Variants in ZNF626 observed in about 807,000 individuals in gnomAD.
The protein encoded by ZNF626 is zinc finger protein 626, also known as CTC-513N18.7.
Under a neutral mutation model 11.7 loss-of-function variants are expected in ZNF626, and 4 were observed. The observed-to-expected ratio is 0.34, with a 90% CI of 0.17 to 0.78. The LOEUF is 0.78. Ranked by LOEUF, ZNF626 falls within the 30% of genes least tolerant of loss-of-function variation. The pLI is 0.57. For missense variants in ZNF626, 588 were observed against 587.1 expected (o/e 1.00, Z -0.01); for synonymous variants, 179 against 198.6 (o/e 0.90, Z 0.83).
chr19:20,646,201 TA>T, intron 2 of ZNF626, 77 bp downstream of exon 2: 1 of 1,436,552 alleles, frequency 7.0e-7, no homozygotes, highest in East Asian at 2.6e-5. Flanking sequence ...ATGCAAAGAA[TA>T]AATTACTAAA....
At chr19:20,631,269 T>A (rs1301914596) in intron 3 of ZNF626, among the ~76,000 whole-genome samples, 7 of 151,884 alleles carry the variant, frequency 4.6e-5, no homozygotes, top group South Asian at 2.1e-4. Context: ...GGGTGGAGAG[T>A]TCTATAAATG....
chr19:20,650,553 A>C (rs1599485779), intron 1 of ZNF626, among the ~76,000 whole-genome samples: 1 of 152,176 alleles, frequency 6.6e-6, no homozygotes, highest in Non-Finnish European at 1.5e-5. Context: ...AACAGGATTC[A>C]CCAGCCAAAA....
At chr19:20,644,494 G>C (rs1970054200) in intron 3 of ZNF626, among the ~76,000 whole-genome samples, 1 of 152,038 alleles carries the variant, frequency 6.6e-6, no homozygotes, top group Non-Finnish European at 1.5e-5. Flanking sequence ...AAATTCAGAG[G>C]GCATCTCATC....
Position 20,625,394 on chromosome 19 carries a change from G to T in ZNF626, c.483C>A (p.Asn161Lys). The T allele has an allele frequency of 6.2e-7, 1 of 1,614,010 alleles. No homozygotes were observed. The highest frequency in any genetic ancestry group is 8.5e-7 in the Non-Finnish European group (1 of 1,180,000). Residue 161 changes from asparagine (N) to lysine (K), a missense_variant, in exon 4 of 4, where the codon AAC (asparagine) becomes AAA (lysine). Physicochemically the swap from Asn to Lys is moderately conservative, Grantham distance 94. Coordinates refer to ENST00000601440, the MANE Select transcript of ZNF626 (RefSeq NM_001076675.3). ...VKVLHQFPNSNGQKRGHTGKK... is the reference protein window; with the variant it reads ...VKVLHQFPNSKGQKRGHTGKK... ...TCCCAGTATGTCCTCTCTTTTGTCC[G>T]TTTGAATTTGGAAATTGATGAAGGA...
At chr19:20,631,418 T>A (rs8104321) in intron 3 of ZNF626, among the ~76,000 whole-genome samples, 68,246 of 151,790 alleles carry the variant, frequency 0.45, 16,610 homozygotes, top group African/African-American at 0.64. Flanking sequence ...TGTGTGGGAG[T>A]CTAAGTCTCT....
At position 20,655,109 on chromosome 19, in the gene ZNF626, C is replaced by CAA. The variant is rs35688904; in HGVS notation, c.3+6333_3+6334dup. On this transcript the variant is annotated intron_variant, in intron 1 of 3. Coordinates refer to ENST00000601440, the MANE Select transcript of ZNF626 (RefSeq NM_001076675.3). ...CCTCGGCAACAGAGTGAGACTGTCT[C>CAA]AAAAAAAAAAAAAATGAAAATATGG... 5.7e-3 allele frequency among the ~76,000 whole-genome samples: 787 copies of CAA among 138,854 alleles called. 11 individuals are homozygous for CAA. Among genetic ancestry groups the CAA allele is most frequent in the African/African-American group, 0.019 (764 of 39,852 alleles). 91.1% of individuals were successfully genotyped at this position (138,854 alleles called of 152,430 possible).
At chr19:20,627,716 C>A (rs1969855252) in intron 3 of ZNF626, among the ~76,000 whole-genome samples, 1 of 151,920 alleles carries the variant, frequency 6.6e-6, no homozygotes, top group Non-Finnish European at 1.5e-5. Flanking sequence ...CAGTTGAGAT[C>A]TACTGACAAA....
chr19:20,648,861 G>A (rs1385412842), intron 1 of ZNF626, among the ~76,000 whole-genome samples: 2 of 152,148 alleles, frequency 1.3e-5, no homozygotes, highest in Admixed American at 6.5e-5. Flanking sequence ...ATAAATTCTT[G>A]CTGAGAATTC....
intron 3 of ZNF626, 172 bp downstream of exon 3, chr19:20,645,511 AG>A: frequency 6.4e-7 from 1 of 1,570,442 alleles, no homozygotes; most frequent in Non-Finnish European, 8.6e-7. Flanking sequence ...CCCCTTTGTA[AG>A]CAAAATTAAA....
chr19:20,661,407 C>T lies in ZNF626; in HGVS notation c.3+37G>A, dbSNP rs781816454. The stretch of plus-strand genomic sequence containing the variant: ...CACTTTTCACCGGTTCCAACCAGTC[C>T]CTCTCCTCTCTCGGGATGTCGGACC... On this transcript the variant is annotated intron_variant, in intron 1 of 3. Transcript: ENST00000601440. 4 of 1,613,632 alleles carry T rather than the reference C, an allele frequency of 2.5e-6. No individual in the cohort carries two copies. In the East Asian group the frequency reaches 8.9e-5, roughly 36 times the overall value.
chr19:20,660,090 C>G (rs1017869182), intron 1 of ZNF626, among the ~76,000 whole-genome samples: 2 of 151,826 alleles, frequency 1.3e-5, no homozygotes, highest in African/African-American at 4.8e-5. Context: ...GGAGAAAACC[C>G]GTCTCTACTA....
chr19:20,632,180 C>T (rs1228424499), intron 3 of ZNF626, among the ~76,000 whole-genome samples: 2 of 152,184 alleles, frequency 1.3e-5, no homozygotes, highest in Non-Finnish European at 2.9e-5. Context: ...CTGGGCTTCC[C>T]TTTGTGGATA....
At chr19:20,627,346 C>G (rs555755089) in intron 3 of ZNF626, among the ~76,000 whole-genome samples, 18 of 152,068 alleles carry the variant, frequency 1.2e-4, no homozygotes, top group African/African-American at 2.2e-4. Flanking sequence ...TTGTATTCAA[C>G]TGAAGTTTAT....
At chr19:20,631,481 G>C (rs1362811894) in intron 3 of ZNF626, among the ~76,000 whole-genome samples, 2 of 151,698 alleles carry the variant, frequency 1.3e-5, no homozygotes, top group Non-Finnish European at 2.9e-5. Flanking sequence ...TGTATTGGGT[G>C]CATATATATT....
intron 3 of ZNF626, among the ~76,000 whole-genome samples, chr19:20,637,018 C>CAAAAAAAAAAAAAAAAAAA: frequency 1.7e-5 from 1 of 58,768 alleles, no homozygotes. Flanking sequence ...GACTCCATCT[C>CAAAAAAAAAAAAAAAAAAA]AAAAAAAAAA....
chr19:20,637,447 T>C (rs1462659107), intron 3 of ZNF626, among the ~76,000 whole-genome samples: 1 of 149,044 alleles, frequency 6.7e-6, no homozygotes, highest in East Asian at 2.0e-4. Context: ...ATTGTGCCAT[T>C]GCATTCCTGC....
chr19:20,651,630 T>C (rs1359549616), intron 1 of ZNF626, among the ~76,000 whole-genome samples: 1 of 152,178 alleles, frequency 6.6e-6, no homozygotes, highest in Non-Finnish European at 1.5e-5. Context: ...CCTGACACAA[T>C]TCTGCTCTGG....
chr19:20,625,017 C>G lies in ZNF626; in HGVS notation c.860G>C (p.Cys287Ser). The G allele has an allele frequency of 6.2e-7, 1 of 1,613,778 alleles. No homozygotes were observed. Among genetic ancestry groups the G allele is most frequent in the Admixed American group, 1.7e-5 (1 of 60,012 alleles). The change falls in exon 4 of 4, where the codon TGT (cysteine) becomes TCT (serine). Residue 287 changes from cysteine to serine, a missense_variant. By Grantham distance (112) the Cys-to-Ser change is moderately radical. Transcript: ENST00000601440. ...IIHTEKKPYK[C>S]EECGKAFNRS... Reference sequence around the variant, plus strand: ...GTTGAAGGCTTTGCCACATTCTTCACATTTGTAGGGTTTCTTTTCCGTATG... The same window carrying G: ...GTTGAAGGCTTTGCCACATTCTTCAGATTTGTAGGGTTTCTTTTCCGTATG...
At position 20,625,222 on chromosome 19, in the gene ZNF626, G is replaced by T. The variant is rs1490281606; in HGVS notation, c.655C>A (p.His219Asn). 1.2e-6 allele frequency: 2 copies of T among 1,613,194 alleles called. No homozygotes were observed. The highest frequency in any genetic ancestry group is 1.7e-6 in the Non-Finnish European group (2 of 1,179,920). ...AFNHSCSLTR[H>N]KKIHTGEKPY... ...TTCTCTCCAGTATGAATTTTCTTAT[G>T]TCTAGTAAGGCTACAAGAGTGGTTA... The change falls in exon 4 of 4, where the codon CAT (histidine) becomes AAT (asparagine). Residue 219 changes from histidine (H) to asparagine (N), a missense_variant. This residue lies in a region of ZNF626 where 524 missense variants were observed against 470.1 expected (regional missense o/e 1.11). Transcript: ENST00000601440.
Sources: allele counts gnomAD v4.1 joint callset (sites outside exome capture counted in the v4.1 genomes callset), GRCh38; gene constraint gnomAD v4.1.1; regional missense constraint gnomAD v4.1.1; transcripts MANE v1.5; gene names NCBI Gene and HGNC (gene_info 2026-07-23, HGNC 2026-07-21).